YWHAG: variants seen among roughly 807,000 people sequenced by gnomAD.
YWHAG encodes the protein 14-3-3 protein gamma.
Under a neutral mutation model 23.3 loss-of-function variants are expected in YWHAG, and 1 was observed. The observed-to-expected ratio is 0.04, with a 90% CI of 0.02 to 0.20. The LOEUF is 0.20. YWHAG is among the 10% of genes least tolerant of loss of function. YWHAG has a pLI of 1.00. For synonymous variants in YWHAG, 160 were observed against 144.0 expected (o/e 1.11, Z -0.80); for missense variants, 151 against 338.6 (o/e 0.45, Z 4.35).
intron 1 of YWHAG, among the ~76,000 whole-genome samples, chr7:76,350,602 C>G (rs1315541770): frequency 6.6e-5 from 10 of 152,164 alleles, no homozygotes; most frequent in Admixed American, 6.6e-4. Flanking sequence ...CCAGCACTTC[C>G]AGAGGCCAAG....
In YWHAG at chr7:76,329,284, T is replaced by C. The variant is rs80074591; in HGVS notation, c.*293A>G. The C allele has an allele frequency of 6.0e-3, 2,076 of 346,054 alleles. 13 individuals are homozygous for C. Among genetic ancestry groups the C allele is most frequent in the Non-Finnish European group, 9.1e-3 (1,720 of 189,682 alleles). 21.4% of individuals were successfully genotyped at this position (346,054 alleles called of 1,614,324 possible). On this transcript the variant is annotated 3_prime_UTR_variant, in exon 2 of 2. Coordinates refer to ENST00000307630, the MANE Select transcript of YWHAG (RefSeq NM_012479.4). This position sits in a 1 kb window ranked among gnomAD's most constrained non-coding sequence, Gnocchi z 6.1. The stretch of plus-strand genomic sequence containing the variant: ...TTTTCTTTTCATCTGAAAACCCTAT[T>C]ATCTAGCAATAAGTTAAATTAGAGA...
chr7:76,356,869 G>A (rs1344035954), intron 1 of YWHAG, among the ~76,000 whole-genome samples: 1 of 152,108 alleles, frequency 6.6e-6, no homozygotes, highest in Non-Finnish European at 1.5e-5. Context: ...TGAAGTGCTC[G>A]ATTCCACCTG....
At chr7:76,342,985 A>G (rs2115624398) in intron 1 of YWHAG, among the ~76,000 whole-genome samples, 1 of 152,144 alleles carries the variant, frequency 6.6e-6, no homozygotes. Context: ...AAAAATACAA[A>G]AATTAGCTGG....
In YWHAG at chr7:76,341,080, C is replaced by T. The variant is rs66814688; in HGVS notation, c.88-10847G>A. 3.6e-3 allele frequency among the ~76,000 whole-genome samples: 552 copies of T among 152,076 alleles called. 2 individuals are homozygous for T. Among genetic ancestry groups the T allele is most frequent in the African/African-American group, 0.013 (521 of 41,528 alleles). On this transcript the variant is annotated intron_variant, in intron 1 of 1. Coordinates refer to ENST00000307630, the MANE Select transcript of YWHAG (RefSeq NM_012479.4). ...CCCCCTAAAGTGCAGGGGAAGCCACCGCACCTGGCCCATACAGAATCTTGT... is the reference window on the plus strand; with the variant it reads ...CCCCCTAAAGTGCAGGGGAAGCCACTGCACCTGGCCCATACAGAATCTTGT...
At chr7:76,339,982 G>A (rs1254177388) in intron 1 of YWHAG, among the ~76,000 whole-genome samples, 4 of 151,912 alleles carry the variant, frequency 2.6e-5, no homozygotes, top group Admixed American at 6.6e-5. Context: ...CCAGCTACTC[G>A]GGAGGCTGAG....
chr7:76,341,532 G>A (rs1422820728), intron 1 of YWHAG, among the ~76,000 whole-genome samples: 1 of 151,830 alleles, frequency 6.6e-6, no homozygotes, highest in East Asian at 1.9e-4. Flanking sequence ...AAAACGTAGT[G>A]TGATCTATGT....
intron 1 of YWHAG, among the ~76,000 whole-genome samples, chr7:76,350,825 T>C (rs755807850): frequency 2.6e-5 from 4 of 151,854 alleles, no homozygotes; most frequent in Non-Finnish European, 5.9e-5. Flanking sequence ...CCCTGAGCAA[T>C]AGAGCAAGAC....
chr7:76,346,803 T>C (rs1006467760), intron 1 of YWHAG, among the ~76,000 whole-genome samples: 1 of 152,176 alleles, frequency 6.6e-6, no homozygotes, highest in African/African-American at 2.4e-5. Flanking sequence ...CTCTTCAGCC[T>C]GAAGAGACTC....
In YWHAG at chr7:76,329,556, G is replaced by A. The variant is rs369312558; in HGVS notation, c.*21C>T. On this transcript the variant is annotated 3_prime_UTR_variant, in exon 2 of 2. Coordinates refer to ENST00000307630, the MANE Select transcript of YWHAG (RefSeq NM_012479.4). This position sits in a 1 kb window ranked among gnomAD's most constrained non-coding sequence, Gnocchi z 6.1. Reference sequence around the variant, plus strand: ...GACTGCAGTAGTAGCATCCGCGTGCGCTGCCAGTTCCCCTGGGGCCTTAAT... The same window carrying A: ...GACTGCAGTAGTAGCATCCGCGTGCACTGCCAGTTCCCCTGGGGCCTTAAT... 1.1e-5 allele frequency: 17 copies of A among 1,581,202 alleles called. No homozygotes were observed. The highest frequency in any genetic ancestry group is 5.4e-5 in the Admixed American group (3 of 55,760).
intron 1 of YWHAG, among the ~76,000 whole-genome samples, chr7:76,352,211 G>C (rs919465167): frequency 2.0e-5 from 3 of 152,198 alleles, no homozygotes; most frequent in African/African-American, 7.2e-5. Context: ...AAATATGGTA[G>C]CTTTAGAGTC....
chr7:76,352,786 A>T (rs1249935263), intron 1 of YWHAG, among the ~76,000 whole-genome samples: 1 of 151,912 alleles, frequency 6.6e-6, no homozygotes, highest in Non-Finnish European at 1.5e-5. Flanking sequence ...AGTAGCTGGG[A>T]TTACAGGCAT....
intron 1 of YWHAG, among the ~76,000 whole-genome samples, chr7:76,353,002 G>A (rs900482925): frequency 1.3e-5 from 2 of 152,068 alleles, no homozygotes; most frequent in Admixed American, 6.6e-5. Flanking sequence ...TTCAACTCAG[G>A]TAAAGAAAAG....
intron 1 of YWHAG, among the ~76,000 whole-genome samples, chr7:76,349,692 T>C (rs377363292): frequency 5.3e-5 from 8 of 152,182 alleles, no homozygotes; most frequent in African/African-American, 1.7e-4. Context: ...CCTCAATAAA[T>C]AGATCAAGTT....
intron 1 of YWHAG, among the ~76,000 whole-genome samples, chr7:76,338,515 C>T (rs1403042820): frequency 2.6e-5 from 4 of 152,116 alleles, no homozygotes; most frequent in Admixed American, 2.6e-4. Flanking sequence ...CTCATTAACA[C>T]TCCACAGAGC....
chr7:76,344,841 C>T (rs931566742), intron 1 of YWHAG, among the ~76,000 whole-genome samples: 2 of 152,216 alleles, frequency 1.3e-5, no homozygotes, highest in African/African-American at 2.4e-5. Context: ...AGTCCCCACT[C>T]TTACCTATAA....
intron 1 of YWHAG, among the ~76,000 whole-genome samples, chr7:76,347,625 G>A (rs189182874): frequency 6.6e-6 from 1 of 152,114 alleles, no homozygotes; most frequent in East Asian, 1.9e-4. Context: ...AAATGTCTAC[G>A]AAAATATCTT....
intron 1 of YWHAG, among the ~76,000 whole-genome samples, chr7:76,353,833 C>T (rs1379610640): frequency 1.3e-5 from 2 of 151,836 alleles, no homozygotes; most frequent in East Asian, 3.9e-4. Context: ...CTTTGGGAGG[C>T]CAAGATGGGC....
intron 1 of YWHAG, among the ~76,000 whole-genome samples, chr7:76,353,468 C>T (rs1803903167): frequency 6.6e-6 from 1 of 152,208 alleles, no homozygotes; most frequent in Non-Finnish European, 1.5e-5. Flanking sequence ...GCCTCAGCCT[C>T]CCAAAGTGCT....
chr7:76,332,149 A>G (rs1425708324), intron 1 of YWHAG, among the ~76,000 whole-genome samples: 1 of 152,194 alleles, frequency 6.6e-6, no homozygotes, highest in African/African-American at 2.4e-5. Flanking sequence ...AACAGACTCA[A>G]AAGAGGGGAA....
Sources: allele counts gnomAD v4.1 joint callset (sites outside exome capture counted in the v4.1 genomes callset), GRCh38; gene constraint gnomAD v4.1.1; non-coding constraint Gnocchi (gnomAD v3.1); transcripts MANE v1.5; gene names NCBI Gene and HGNC (gene_info 2026-07-23, HGNC 2026-07-21).